ATP2B2: variants seen among roughly 807,000 people sequenced by gnomAD.
ATP2B2 encodes ATPase plasma membrane Ca2+ transporting 2.
In ATP2B2, 15 loss-of-function variants were observed where a neutral mutation model predicts 120.0. The ratio of observed to expected loss-of-function variants is 0.12; its 90% CI spans 0.08 to 0.19. The LOEUF (loss-of-function observed/expected upper bound fraction) is 0.19. ATP2B2 is among the 10% of genes least tolerant of loss of function. The pLI is 1.00. For missense variants in ATP2B2, 1,045 were observed against 1,719.8 expected, an observed-to-expected ratio of 0.61 and a Z score of 6.94; for synonymous variants, 694 against 700.3, an observed-to-expected ratio of 0.99 and a Z score of 0.14.
chr3:10,636,118 G>A, intron 1 of ATP2B2, among the ~76,000 whole-genome samples: 1 of 152,244 alleles, frequency 6.6e-6, no homozygotes, highest in Middle Eastern at 3.2e-3. Context: ...ACTGGCACGT[G>A]ATGTGCTATT....
chr3:10,368,539 T>C (rs2061132789), intron 12 of ATP2B2, among the ~76,000 whole-genome samples: 1 of 151,834 alleles, frequency 6.6e-6, no homozygotes, highest in East Asian at 1.9e-4. Flanking sequence ...TCCCATCCCA[T>C]CCATCCACCC....
chr3:10,600,556 G>A (rs2068881014), intron 2 of ATP2B2, among the ~76,000 whole-genome samples: 2 of 152,244 alleles, frequency 1.3e-5, no homozygotes, highest in Non-Finnish European at 2.9e-5. Context: ...CTTTCACGGC[G>A]AGAACTGGCT....
chr3:10,580,475 G>A (rs2068363167), intron 2 of ATP2B2, among the ~76,000 whole-genome samples: 1 of 152,228 alleles, frequency 6.6e-6, no homozygotes, highest in South Asian at 2.1e-4. Flanking sequence ...TTCTGTGGAT[G>A]AGGGTGGCGT....
In ATP2B2 at chr3:10,326,705, G is replaced by A. The variant is rs192657012; in HGVS notation, c.*2109C>T. On this transcript the variant is annotated 3_prime_UTR_variant, in exon 23 of 23. Coordinates refer to ENST00000360273, the MANE Select transcript of ATP2B2 (RefSeq NM_001001331.4). ...AGTTCCTCTCCTGGATACATTCAGAGATACTTCTTCACGACATTCAGGTGA... is the reference window on the plus strand; with the variant it reads ...AGTTCCTCTCCTGGATACATTCAGAAATACTTCTTCACGACATTCAGGTGA... 3.5e-5 allele frequency: 14 copies of A among 399,032 alleles called. No individual in the cohort carries two copies. The Admixed American group carries it at 4.8e-4, about 14-fold the overall frequency. 24.7% of individuals were successfully genotyped at this position (399,032 alleles called of 1,614,324 possible).
At chr3:10,681,736 CAG>C (rs2071389148) in intron 1 of ATP2B2, among the ~76,000 whole-genome samples, 1 of 152,190 alleles carries the variant, frequency 6.6e-6, no homozygotes, top group Non-Finnish European at 1.5e-5. Flanking sequence ...GCCCATTTAA[CAG>C]AGGGGGAAAC....
At chr3:10,467,293 C>T (rs1325056865) in intron 1 of ATP2B2, among the ~76,000 whole-genome samples, 1 of 152,228 alleles carries the variant, frequency 6.6e-6, no homozygotes, top group African/African-American at 2.4e-5. Flanking sequence ...TTGTGGACCA[C>T]TGGTTATGCC....
chr3:10,527,519 G>A (rs2067121993), intron 3 of ATP2B2, among the ~76,000 whole-genome samples: 1 of 152,152 alleles, frequency 6.6e-6, no homozygotes, highest in Admixed American at 6.5e-5. Context: ...CCCTCCTGGG[G>A]CTCCTCATCA....
At chr3:10,411,839 C>T (rs1004209419) in intron 2 of ATP2B2, among the ~76,000 whole-genome samples, 18 of 152,314 alleles carry the variant, frequency 1.2e-4, no homozygotes, top group Admixed American at 3.3e-4. Context: ...CTCTTCTGGA[C>T]AAGGGAGTGA....
intron 2 of ATP2B2, among the ~76,000 whole-genome samples, chr3:10,606,771 C>A (rs1015612025): frequency 5.3e-5 from 8 of 151,926 alleles, no homozygotes; most frequent in Admixed American, 4.6e-4. Flanking sequence ...TAAGACCTTT[C>A]CCCATACTCC....
At chr3:10,485,728 G>A (rs1256656976) in intron 1 of ATP2B2, among the ~76,000 whole-genome samples, 1 of 152,188 alleles carries the variant, frequency 6.6e-6, no homozygotes, top group Non-Finnish European at 1.5e-5. Context: ...CTGAGGTCTG[G>A]ATGTTTTGTG....
intron 1 of ATP2B2, among the ~76,000 whole-genome samples, chr3:10,705,305 T>C (rs80307425): frequency 1.3e-5 from 2 of 152,328 alleles, no homozygotes; most frequent in East Asian, 1.9e-4. Flanking sequence ...CCTGTTGCCA[T>C]TGGATCTGGA....
chr3:10,705,328 G>T (rs1009410392), intron 1 of ATP2B2, among the ~76,000 whole-genome samples: 1 of 152,192 alleles, frequency 6.6e-6, no homozygotes. Context: ...TATTGTGGGG[G>T]TGGTATTCCT....
intron 1 of ATP2B2, among the ~76,000 whole-genome samples, chr3:10,697,291 A>T (rs1259339205): frequency 1.3e-5 from 2 of 152,106 alleles, no homozygotes; most frequent in Admixed American, 1.3e-4. Context: ...GCCCCTTTGC[A>T]GAAGGGAGCC....
intron 2 of ATP2B2, among the ~76,000 whole-genome samples, chr3:10,588,354 T>C (rs2068563435): frequency 6.6e-6 from 1 of 152,198 alleles, no homozygotes; most frequent in African/African-American, 2.4e-5. Flanking sequence ...AGAGGGAATA[T>C]TTGTAAAGGA....
chr3:10,351,611 C>A (rs1423453784), intron 14 of ATP2B2, among the ~76,000 whole-genome samples: 1 of 152,130 alleles, frequency 6.6e-6, no homozygotes, highest in Non-Finnish European at 1.5e-5. Flanking sequence ...TTGTATTCCC[C>A]CCAAAAGACA....
At chr3:10,662,403 C>T (rs1485705655) in intron 1 of ATP2B2, among the ~76,000 whole-genome samples, 2 of 145,248 alleles carry the variant, frequency 1.4e-5, no homozygotes, top group Non-Finnish European at 3.0e-5. Context: ...AAGAAAAAAA[C>T]AAACAACCCC....
At chr3:10,444,602 A>G (rs1346111272) in intron 2 of ATP2B2, among the ~76,000 whole-genome samples, 1 of 152,018 alleles carries the variant, frequency 6.6e-6, no homozygotes, top group East Asian at 1.9e-4. Flanking sequence ...CTGCCGCCCC[A>G]TCTTTGTCCC....
chr3:10,341,996 A>C (rs2060292616), intron 19 of ATP2B2, among the ~76,000 whole-genome samples: 1 of 152,220 alleles, frequency 6.6e-6, no homozygotes, highest in African/African-American at 2.4e-5. Context: ...GTAAGGAGAG[A>C]ACTGGCCCTG....
chr3:10,607,330 C>A (rs1559483586), intron 2 of ATP2B2, among the ~76,000 whole-genome samples: 2 of 152,184 alleles, frequency 1.3e-5, no homozygotes, highest in Non-Finnish European at 2.9e-5. Context: ...CAGGAATCCC[C>A]CACAAAGCTG....
Sources: gnomAD v4.1 joint callset for allele counts (sites outside exome capture counted in the v4.1 genomes callset) on GRCh38, gnomAD v4.1.1 for gene constraint, MANE v1.5 for transcripts, NCBI Gene and HGNC (gene_info 2026-07-23, HGNC 2026-07-21) for gene names.